VTA1: variants seen among roughly 807,000 people sequenced by gnomAD.
The protein encoded by VTA1 is vacuolar protein sorting-associated protein VTA1 homolog.
VTA1 carries 24 observed loss-of-function variants against 36.9 expected under a neutral mutation model. The observed-to-expected ratio is 0.65, with a 90% confidence interval of 0.47 to 0.91. VTA1 has a LOEUF of 0.91. Among genes scored for constraint, VTA1 ranks in the 40% least tolerant of loss-of-function variants. VTA1 has a pLI of 0.00. For missense variants in VTA1, 393 were observed against 377.2 expected (o/e 1.04, Z -0.35); for synonymous variants, 142 against 130.2 (o/e 1.09, Z -0.62).
chr6:142,198,707 A>G, intron 6 of VTA1, 92 bp downstream of exon 6: 1 of 1,222,150 alleles, frequency 8.2e-7, no homozygotes, highest in Non-Finnish European at 1.1e-6. Flanking sequence ...AATGATGGTC[A>G]TGAAAACATG....
Position 142,215,942 on chromosome 6 carries a change from C to T in VTA1, c.779-2556C>T, listed in dbSNP as rs144936947. 2.0e-4 allele frequency among the ~76,000 whole-genome samples: 30 copies of T among 152,214 alleles called. 1 individual carries two copies. The East Asian group carries it at 5.2e-3, about 26-fold the overall frequency. On this transcript the variant is annotated intron_variant, in intron 7 of 7. Coordinates refer to ENST00000367630, the MANE Select transcript of VTA1 (RefSeq NM_016485.5). ...TCTCTTCTGCCTGATCTTGTCCTGACCTCTGAAGAGGAGATGAAGCCCTCT... is the reference window on the plus strand; with the variant it reads ...TCTCTTCTGCCTGATCTTGTCCTGATCTCTGAAGAGGAGATGAAGCCCTCT...
intron 4 of VTA1, 143 bp from the exon 5 acceptor site, chr6:142,189,283 G>T: frequency 3.5e-6 from 2 of 579,224 alleles, no homozygotes; most frequent in Non-Finnish European, 3.0e-6. Flanking sequence ...TCCAGCAATA[G>T]GGTGGGGTAT....
chr6:142,170,827 T>C (rs1775016417), intron 4 of VTA1, among the ~76,000 whole-genome samples: 1 of 151,906 alleles, frequency 6.6e-6, no homozygotes, highest in Admixed American at 6.6e-5. Flanking sequence ...AGAGACATGG[T>C]TTTACCAAGC....
rs1161471355 is a variant in VTA1 at position 142,222,330 on chromosome 6, C to T, written c.*3687C>T. On this transcript the variant is annotated 3_prime_UTR_variant, in exon 8 of 8. Coordinates refer to ENST00000367630, the MANE Select transcript of VTA1 (RefSeq NM_016485.5). ...CAGAGGGAGAAGAAGAAATAAGGTT[C>T]TGCTGACAATGATTGCCACAGATAT... The T allele has an allele frequency of 6.6e-6, 1 of 152,150 alleles. No homozygotes were observed. The highest frequency in any genetic ancestry group is 6.6e-5 in the Admixed American group (1 of 15,264). 9.4% of individuals were successfully genotyped at this position (152,150 alleles called of 1,614,324 possible).
rs1473730357 is a variant in VTA1, at chr6:142,202,615, AC to A, written c.698-1369del. ...ACTTACTACCATTTGCAAAACACAC[AC>A]GCAAGTATGCCTTCTAGAAGATTTT... On this transcript the variant is annotated intron_variant, in intron 6 of 7. Transcript: ENST00000367630. 1.1e-4 allele frequency among the ~76,000 whole-genome samples: 17 copies of A among 152,078 alleles called. 1 individual carries two copies. In the South Asian group the frequency reaches 2.1e-3, roughly 19 times the overall value.
intron 5 of VTA1, 34 bp from the exon 6 acceptor site, chr6:142,198,405 C>A (rs1775609040): frequency 1.3e-6 from 2 of 1,583,444 alleles, no homozygotes; most frequent in Non-Finnish European, 1.7e-6. Context: ...TTTCAAAATA[C>A]CTACTGTAAC....
At chr6:142,154,859 T>C (rs1232934039) in intron 1 of VTA1, among the ~76,000 whole-genome samples, 2 of 152,098 alleles carry the variant, frequency 1.3e-5, no homozygotes, top group Non-Finnish European at 2.9e-5. Context: ...AGATTTTTAG[T>C]AACAGCGTTA....
intron 4 of VTA1, among the ~76,000 whole-genome samples, chr6:142,188,395 A>G (rs1333267469): frequency 6.7e-6 from 1 of 149,322 alleles, no homozygotes; most frequent in Non-Finnish European, 1.5e-5. Flanking sequence ...TTGTATTTTC[A>G]ATAGAAACAG....
chr6:142,187,361 T>C (rs1775359448), intron 4 of VTA1, among the ~76,000 whole-genome samples: 1 of 152,190 alleles, frequency 6.6e-6, no homozygotes, highest in Non-Finnish European at 1.5e-5. Flanking sequence ...GGTAAGATGA[T>C]ACCTAAAAAG....
chr6:142,162,118 ACTATTAGTTAT>A (rs1774823111), intron 1 of VTA1, among the ~76,000 whole-genome samples: 1 of 152,226 alleles, frequency 6.6e-6, no homozygotes, highest in Non-Finnish European at 1.5e-5. Flanking sequence ...ACTGTGTTTA[ACTATTAGTTAT>A]CTGGATTAGG....
intron 3 of VTA1, 113 bp from the exon 4 acceptor site, chr6:142,170,233 G>T: frequency 1.4e-6 from 1 of 716,134 alleles, no homozygotes; most frequent in Non-Finnish European, 2.3e-6. Context: ...TTTAAAACAT[G>T]AATTTCAGAG....
In VTA1 at chr6:142,147,415, T is replaced by C. The variant is rs1476676613; in HGVS notation, c.112+16T>C. 2 of 1,611,012 alleles carry C rather than the reference T, an allele frequency of 1.2e-6. No homozygotes were observed. The highest frequency in any genetic ancestry group is 1.7e-5 in the Admixed American group (1 of 59,644). ...GCTTATTACTGTGAGTCTTTCCGAG[T>C]GGCCGCGCCCTTTCTTTCCCAGTTG... On this transcript the variant is annotated intron_variant, in intron 1 of 7. Coordinates refer to ENST00000367630, the MANE Select transcript of VTA1 (RefSeq NM_016485.5).
At chr6:142,186,758 T>G (rs142354984) in intron 4 of VTA1, among the ~76,000 whole-genome samples, 1,643 of 152,242 alleles carry the variant, frequency 0.011, 8 homozygotes, top group Non-Finnish European at 0.018. Context: ...CTGGCTAGAT[T>G]CATAAATTTA....
intron 4 of VTA1, among the ~76,000 whole-genome samples, chr6:142,182,626 A>G (rs1369771337): frequency 6.6e-6 from 1 of 152,300 alleles, no homozygotes; most frequent in East Asian, 1.9e-4. Context: ...AATGACTCCA[A>G]GGGTTGGACC....
At chr6:142,183,304 C>G (rs773722037) in intron 4 of VTA1, among the ~76,000 whole-genome samples, 6 of 152,064 alleles carry the variant, frequency 3.9e-5, no homozygotes, top group Non-Finnish European at 8.8e-5. Context: ...CTTTGTCTTT[C>G]AAGGTGACTT....
At chr6:142,197,013 A>G (rs542001943) in intron 5 of VTA1, among the ~76,000 whole-genome samples, 11 of 152,262 alleles carry the variant, frequency 7.2e-5, no homozygotes, top group Admixed American at 3.9e-4. Flanking sequence ...CTTCTTGGCA[A>G]CTTTCTTTTA....
At chr6:142,191,960 C>T (rs1446854034) in intron 5 of VTA1, among the ~76,000 whole-genome samples, 1 of 151,932 alleles carries the variant, frequency 6.6e-6, no homozygotes, top group Non-Finnish European at 1.5e-5. Context: ...GTCTATTGTT[C>T]TGGCATTGAA....
intron 1 of VTA1, among the ~76,000 whole-genome samples, chr6:142,153,315 A>G (rs1291974608): frequency 6.6e-6 from 1 of 152,020 alleles, no homozygotes. Context: ...CTGTCGATTG[A>G]GTAAACAAAC....
chr6:142,155,377 A>T (rs1163386814), intron 1 of VTA1, among the ~76,000 whole-genome samples: 1 of 152,198 alleles, frequency 6.6e-6, no homozygotes, highest in Non-Finnish European at 1.5e-5. Flanking sequence ...GATTATTTAT[A>T]CATTTATGAT....
Sources: gnomAD v4.1 joint callset for allele counts (sites outside exome capture counted in the v4.1 genomes callset) on GRCh38, gnomAD v4.1.1 for gene constraint, MANE v1.5 for transcripts, NCBI Gene and HGNC (gene_info 2026-07-23, HGNC 2026-07-21) for gene names.